SLC35F4: variants seen among roughly 807,000 people sequenced by gnomAD.
SLC35F4 encodes the protein solute carrier family 35 member F4.
A neutral mutation model predicts 44.2 loss-of-function variants in SLC35F4; 24 were observed. That is an observed-to-expected ratio of 0.54 (90% CI 0.39 to 0.76). SLC35F4 has a LOEUF of 0.76. Ranked by LOEUF, SLC35F4 falls within the 30% of genes least tolerant of loss-of-function variation. SLC35F4 has a pLI of 0.00. For synonymous variants in SLC35F4, 238 were observed against 223.6 expected, an observed-to-expected ratio of 1.06 and a Z score of -0.57; for missense variants, 562 against 586.1, an observed-to-expected ratio of 0.96 and a Z score of 0.42.
intron 1 of SLC35F4, among the ~76,000 whole-genome samples, chr14:57,641,620 T>C (rs1446909893): frequency 1.3e-5 from 2 of 152,010 alleles, no homozygotes; most frequent in African/African-American, 4.8e-5. Context: ...AAATGATTCA[T>C]GCTGTAATGC....
At chr14:57,847,480 G>A (rs1272278449) in intron 1 of SLC35F4, among the ~76,000 whole-genome samples, 1 of 152,078 alleles carries the variant, frequency 6.6e-6, no homozygotes, top group African/African-American at 2.4e-5. Context: ...CTGTTACTTT[G>A]AAAATTTGAA....
At position 57,920,531 on chromosome 14, in the gene SLC35F4, C is replaced by T. The variant is rs964444360; in HGVS notation, n.282+61382G>A. ...AAGGCTGCAATGAGCAATGATCACA[C>T]GATTGCACTGCAGCCTGGGCAACAG... On this transcript the variant is annotated intron_variant and non_coding_transcript_variant, in intron 1 of 1. Coordinates refer to the SLC35F4 transcript ENST00000556568. 2.7e-4 allele frequency among the ~76,000 whole-genome samples: 41 copies of T among 152,246 alleles called. 1 individual carries two copies. Among genetic ancestry groups the T allele is most frequent in the Admixed American group, 1.3e-3 (20 of 15,290 alleles).
chr14:57,691,255 C>G (rs1269931330), intron 1 of SLC35F4, among the ~76,000 whole-genome samples: 2 of 152,118 alleles, frequency 1.3e-5, no homozygotes, highest in Non-Finnish European at 2.9e-5. Flanking sequence ...CATAGCAAAC[C>G]AACGGCAGAA....
At chr14:57,804,973 C>A (rs1881127688) in intron 1 of SLC35F4, among the ~76,000 whole-genome samples, 1 of 152,070 alleles carries the variant, frequency 6.6e-6, no homozygotes, top group Non-Finnish European at 1.5e-5. Context: ...CATGAACAGA[C>A]ACTTCTCAAA....
chr14:57,714,095 C>T (rs772787344), intron 1 of SLC35F4, among the ~76,000 whole-genome samples: 21 of 152,112 alleles, frequency 1.4e-4, no homozygotes, highest in Non-Finnish European at 2.9e-5. Flanking sequence ...TTTATTGATA[C>T]AAACTTAGCA....
chr14:57,669,295 C>T (rs10431699), intron 1 of SLC35F4, among the ~76,000 whole-genome samples: 20,524 of 151,756 alleles, frequency 0.14, 1,712 homozygotes, highest in African/African-American at 0.22. Flanking sequence ...ATTTGACTTC[C>T]TCTTTTCCTA....
chr14:57,901,734 T>A (rs1427191816), intron 1 of SLC35F4, among the ~76,000 whole-genome samples: 1 of 152,232 alleles, frequency 6.6e-6, no homozygotes, highest in Non-Finnish European at 1.5e-5. Flanking sequence ...TATTTGCGAA[T>A]ATATGTAGAG....
chr14:57,733,197 C>A (rs7157726), intron 1 of SLC35F4, among the ~76,000 whole-genome samples: 1 of 151,980 alleles, frequency 6.6e-6, no homozygotes, highest in African/African-American at 2.4e-5. Context: ...ACTAGCTCTC[C>A]GGCCTACTGA....
At position 57,903,791 on chromosome 14, in the gene SLC35F4, A is replaced by G. The variant is rs17093893; in HGVS notation, n.282+78122T>C. 0.03 allele frequency among the ~76,000 whole-genome samples: 4,598 copies of G among 152,318 alleles called. 442 individuals carry two copies. The East Asian group carries it at 0.4, about 13-fold the overall frequency. On this transcript the variant is annotated intron_variant and non_coding_transcript_variant, in intron 1 of 1. Coordinates refer to the SLC35F4 transcript ENST00000556568. Reference sequence around the variant, plus strand: ...ACATATTTACTCTGAATAAAATGAAAGCTTATCAGTGAGATTGGAGATCTA... The same window carrying G: ...ACATATTTACTCTGAATAAAATGAAGGCTTATCAGTGAGATTGGAGATCTA...
At chr14:57,645,774 C>G (rs2073477559) in intron 1 of SLC35F4, among the ~76,000 whole-genome samples, 1 of 151,140 alleles carries the variant, frequency 6.6e-6, no homozygotes, top group Non-Finnish European at 1.5e-5. Context: ...ATAGATAGCT[C>G]CTATTATTTT....
At chr14:57,586,859 A>T (rs868107051) in intron 3 of SLC35F4, among the ~76,000 whole-genome samples, 1 of 151,992 alleles carries the variant, frequency 6.6e-6, no homozygotes, top group South Asian at 2.1e-4. Flanking sequence ...CATCAGAGTG[A>T]ACAGGCAACC....
intron 1 of SLC35F4, among the ~76,000 whole-genome samples, chr14:57,952,861 T>C (rs983085818): frequency 2.7e-5 from 4 of 148,106 alleles, no homozygotes; most frequent in Non-Finnish European, 4.5e-5. Context: ...TGGAAAATAC[T>C]CTTTAGGATA....
intron 1 of SLC35F4, among the ~76,000 whole-genome samples, chr14:57,769,569 T>G (rs2077312243): frequency 6.6e-6 from 1 of 152,196 alleles, no homozygotes; most frequent in African/African-American, 2.4e-5. Flanking sequence ...CCTTTCTCAT[T>G]TTAGAAGATG....
At chr14:57,606,943 G>A (rs1226868587) in intron 1 of SLC35F4, among the ~76,000 whole-genome samples, 1 of 152,236 alleles carries the variant, frequency 6.6e-6, no homozygotes, top group East Asian at 1.9e-4. Context: ...CCTACTGTGT[G>A]CCTAGCAGTG....
At chr14:57,951,971 T>C (rs1345933067) in intron 1 of SLC35F4, among the ~76,000 whole-genome samples, 1 of 152,186 alleles carries the variant, frequency 6.6e-6, no homozygotes, top group Non-Finnish European at 1.5e-5. Context: ...GTGTCCCTGA[T>C]CCTCGTGCCT....
chr14:57,947,254 T>G (rs1335636428), intron 1 of SLC35F4, among the ~76,000 whole-genome samples: 3 of 150,616 alleles, frequency 2.0e-5, no homozygotes, highest in Admixed American at 1.3e-4. Flanking sequence ...GTTTTTTGTT[T>G]TTTTTTTTTT....
At chr14:57,609,112 G>T (rs2071341928) in intron 1 of SLC35F4, among the ~76,000 whole-genome samples, 1 of 152,162 alleles carries the variant, frequency 6.6e-6, no homozygotes, top group African/African-American at 2.4e-5. Flanking sequence ...TCCCAAATCT[G>T]TTATGCGGGA....
intron 3 of SLC35F4, 96 bp downstream of exon 3, chr14:57,589,120 C>T (rs1255154664): frequency 4.4e-6 from 6 of 1,372,796 alleles, no homozygotes; most frequent in Non-Finnish European, 6.0e-6. Flanking sequence ...TCACATACCC[C>T]AAAAAACTCA....
At chr14:57,891,263 A>G (rs749243420) in intron 1 of SLC35F4, among the ~76,000 whole-genome samples, 3 of 152,210 alleles carry the variant, frequency 2.0e-5, no homozygotes, top group Non-Finnish European at 4.4e-5. Context: ...CATTCAGTGA[A>G]ATTTCATTAA....
Sources: allele counts gnomAD v4.1 joint callset (sites outside exome capture counted in the v4.1 genomes callset), GRCh38; gene constraint gnomAD v4.1.1; transcripts MANE v1.5; gene names NCBI Gene and HGNC (gene_info 2026-07-23, HGNC 2026-07-21).